Variants in CSMD1 observed in about 807,000 individuals in gnomAD.
CSMD1 encodes the protein CUB and Sushi multiple domains 1, also known as CUB and sushi domain-containing protein 1.
A neutral mutation model predicts 417.5 loss-of-function variants in CSMD1; 213 were observed. The ratio of observed to expected loss-of-function variants is 0.51; its 90% CI spans 0.46 to 0.57. CSMD1 has a LOEUF of 0.57. Among genes scored for constraint, CSMD1 ranks in the 20% least tolerant of loss-of-function variants. The pLI is 0.00. For synonymous variants in CSMD1, 2,862 were observed against 1,736.8 expected (o/e 1.65, Z -16.11); for missense variants, 6,923 against 4,529.7 (o/e 1.53, Z -15.17).
intron 3 of CSMD1, among the ~76,000 whole-genome samples, chr8:4,167,183 T>C (rs766727909): frequency 6.6e-6 from 1 of 152,158 alleles, no homozygotes; most frequent in Non-Finnish European, 1.5e-5. Flanking sequence ...AACCAGATAA[T>C]TTTTTCCAGA....
chr8:4,193,152 G>C (rs906659167), intron 3 of CSMD1, among the ~76,000 whole-genome samples: 5 of 152,148 alleles, frequency 3.3e-5, no homozygotes, highest in African/African-American at 9.7e-5. Flanking sequence ...TAAAAGATAA[G>C]TTGCCCAGTA....
chr8:3,533,598 C>T (rs779750722), intron 10 of CSMD1, among the ~76,000 whole-genome samples: 42 of 152,128 alleles, frequency 2.8e-4, no homozygotes, highest in Non-Finnish European at 5.7e-4. Context: ...CTCAGGGAAG[C>T]CCTTGCTTCC....
At chr8:3,739,883 T>C (rs978108913) in intron 6 of CSMD1, among the ~76,000 whole-genome samples, 4 of 152,280 alleles carry the variant, frequency 2.6e-5, no homozygotes, top group Non-Finnish European at 4.4e-5. Flanking sequence ...GAATCTCCAG[T>C]AAATAATGCT....
At chr8:3,248,164 G>A (rs1210329179) in intron 26 of CSMD1, among the ~76,000 whole-genome samples, 1 of 152,032 alleles carries the variant, frequency 6.6e-6, no homozygotes, top group African/African-American at 2.4e-5. Context: ...GTAGCGGTGT[G>A]ACAAACAGAA....
chr8:4,761,059 G>C (rs1459708297), intron 1 of CSMD1, among the ~76,000 whole-genome samples: 8 of 152,048 alleles, frequency 5.3e-5, no homozygotes, highest in Admixed American at 4.6e-4. Flanking sequence ...AGCCCAGAGT[G>C]ATTATTAGCA....
In CSMD1 at chr8:2,957,762, G is replaced by C; in HGVS notation, c.9748C>G (p.Gln3250Glu). 2 of 1,598,148 alleles carry C rather than the reference G, an allele frequency of 1.3e-6. No individual in the cohort carries two copies. Among genetic ancestry groups the C allele is most frequent in the Non-Finnish European group, 8.5e-7 (1 of 1,171,484 alleles). The change falls in exon 63 of 70, where the codon CAA (glutamine) becomes GAA (glutamate). Residue 3250 changes from glutamine (Q) to glutamate (E), a missense_variant. By Grantham distance (29) the Gln-to-Glu change is conservative (BLOSUM62 2). Transcript: ENST00000635120. ...AGGCAGGTGCGAGTCGTGGAACCTT[G>C]AATATGGTAGCCTTTTCTGCACCTG... ...FFRCRKGYHI[Q>E]GSTTRTCLAN...
At chr8:4,542,215 A>C (rs1797420216) in intron 2 of CSMD1, among the ~76,000 whole-genome samples, 1 of 152,216 alleles carries the variant, frequency 6.6e-6, no homozygotes, top group African/African-American at 2.4e-5. Flanking sequence ...ATATGGCACA[A>C]CTTGTTTCAT....
At chr8:4,298,376 C>T (rs1383412639) in intron 3 of CSMD1, among the ~76,000 whole-genome samples, 1 of 152,054 alleles carries the variant, frequency 6.6e-6, no homozygotes, top group African/African-American at 2.4e-5. Flanking sequence ...TTTTTATTTA[C>T]TGTATTTGCT....
intron 5 of CSMD1, among the ~76,000 whole-genome samples, chr8:3,900,109 G>C (rs769447427): frequency 3.2e-4 from 49 of 151,110 alleles, no homozygotes; most frequent in Non-Finnish European, 1.5e-5. Flanking sequence ...CAGCTGGTTG[G>C]CACTGTAGCT....
At chr8:4,206,963 T>C (rs1037344113) in intron 3 of CSMD1, among the ~76,000 whole-genome samples, 3 of 152,322 alleles carry the variant, frequency 2.0e-5, no homozygotes, top group East Asian at 1.9e-4. Context: ...CTATTTCATA[T>C]AGATGTGGAT....
chr8:4,462,695 G>C (rs1167970750), intron 2 of CSMD1, among the ~76,000 whole-genome samples: 2 of 152,074 alleles, frequency 1.3e-5, no homozygotes, highest in East Asian at 1.9e-4. Flanking sequence ...GACATTACCC[G>C]TCAATTTGAT....
intron 3 of CSMD1, among the ~76,000 whole-genome samples, chr8:4,154,076 A>C (rs1307285833): frequency 6.6e-6 from 1 of 152,208 alleles, no homozygotes; most frequent in Non-Finnish European, 1.5e-5. Flanking sequence ...AATAAATTGG[A>C]AGAAACACTG....
intron 3 of CSMD1, among the ~76,000 whole-genome samples, chr8:4,072,685 A>G (rs1326676725): frequency 6.6e-6 from 1 of 152,194 alleles, no homozygotes; most frequent in East Asian, 1.9e-4. Flanking sequence ...ATCTCCTAGA[A>G]TGATTTCAAC....
intron 25 of CSMD1, among the ~76,000 whole-genome samples, chr8:3,302,896 G>T (rs1295299829): frequency 2.6e-5 from 4 of 152,134 alleles, no homozygotes; most frequent in Non-Finnish European, 5.9e-5. Context: ...AGTGAGTGGG[G>T]TTGCAGGTTT....
intron 7 of CSMD1, among the ~76,000 whole-genome samples, chr8:3,678,472 A>G (rs905500550): frequency 6.6e-6 from 1 of 152,192 alleles, no homozygotes; most frequent in East Asian, 1.9e-4. Context: ...TGAAGTAAGA[A>G]GAGAAGTTTA....
rs148097828 is a variant in CSMD1, at chr8:3,126,379, C to G, written c.6242-7792G>C. On this transcript the variant is annotated intron_variant, in intron 41 of 69. Transcript: ENST00000635120. ...TGGAGACAGACCCAGGAGGAGGCTA[C>G]TGCTTCTGGTGGTGGGAATTAGGGT... 1.5e-4 allele frequency among the ~76,000 whole-genome samples: 23 copies of G among 152,320 alleles called. No individual in the cohort carries two copies. In the East Asian group the frequency reaches 4.1e-3, roughly 27 times the overall value.
chr8:4,146,890 T>G (rs1186394419), intron 3 of CSMD1, among the ~76,000 whole-genome samples: 1 of 144,410 alleles, frequency 6.9e-6, no homozygotes, highest in African/African-American at 2.9e-5. Flanking sequence ...CGTGATTACA[T>G]GTGTGAGCCA....
chr8:4,293,314 T>G (rs1326133606), intron 3 of CSMD1, among the ~76,000 whole-genome samples: 3 of 152,162 alleles, frequency 2.0e-5, no homozygotes, highest in Non-Finnish European at 2.9e-5. Flanking sequence ...AATGAGAAAC[T>G]GACGATGCTG....
intron 3 of CSMD1, among the ~76,000 whole-genome samples, chr8:4,141,033 G>A (rs17069121): frequency 0.17 from 26,092 of 150,938 alleles, 2,868 homozygotes; most frequent in Middle Eastern, 0.23. Context: ...AAACATTGCC[G>A]TTTCATCTAT....
Sources: gnomAD v4.1 joint callset for allele counts (sites outside exome capture counted in the v4.1 genomes callset) on GRCh38, gnomAD v4.1.1 for gene constraint, MANE v1.5 for transcripts, NCBI Gene and HGNC (gene_info 2026-07-23, HGNC 2026-07-21) for gene names.